Variants in OR2AT4 observed in about 807,000 individuals in gnomAD.
OR2AT4 encodes olfactory receptor family 2 subfamily AT member 4.
A neutral mutation model predicts 10.3 loss-of-function variants in OR2AT4; 6 were observed. The ratio of observed to expected loss-of-function variants is 0.58; its 90% confidence interval spans 0.32 to 1.15. OR2AT4 has a LOEUF of 1.15. OR2AT4 is among the 50% of genes most tolerant of loss of function. OR2AT4 has a pLI of 0.05. For missense variants in OR2AT4, 354 were observed against 393.8 expected (o/e 0.90, Z 0.85); for synonymous variants, 145 against 159.1 (o/e 0.91, Z 0.67).
exon 2 of OR2AT4, chr11:75,087,797 G>A (rs1204969098): frequency 6.6e-6 from 1 of 152,002 alleles, no homozygotes; most frequent in Non-Finnish European, 1.5e-5. Context: ...GGAATTGTGG[G>A]GTTTTTCTTT....
exon 2 of OR2AT4, chr11:75,087,920 C>T (rs1949297967): frequency 6.6e-6 from 1 of 152,164 alleles, no homozygotes. Context: ...TTTATGAGTT[C>T]ACATTTTCCC....
chr11:75,082,181 T>C (rs1949269878), exon 2 of OR2AT4: 1 of 151,968 alleles, frequency 6.6e-6, no homozygotes, highest in Non-Finnish European at 1.5e-5. Flanking sequence ...AACAGACACA[T>C]AGACCAATGG....
chr11:75,088,616 A>G, exon 2 of OR2AT4: 1 of 861,912 alleles, frequency 1.2e-6, no homozygotes, highest in Non-Finnish European at 1.6e-6. Context: ...TGAATTACTA[A>G]GTAGTAAAAT....
chr11:75,089,383 T>A, exon 2 of OR2AT4: 1 of 1,613,998 alleles, frequency 6.2e-7, no homozygotes, highest in Non-Finnish European at 8.5e-7. Context: ...CATGTAAAAC[T>A]TTGGAAGAGG....
chr11:75,093,891 G>A (rs530859022), intron 1 of OR2AT4, among the ~76,000 whole-genome samples: 7 of 133,294 alleles, frequency 5.3e-5, no homozygotes, highest in South Asian at 4.7e-4. Context: ...GTACAAGCTC[G>A]GCTCACTGCA....
At chr11:75,096,159 AT>A (rs1555127011) in intron 1 of OR2AT4, 1 of 152,156 alleles carries the variant, frequency 6.6e-6, no homozygotes, top group Non-Finnish European at 1.5e-5. Flanking sequence ...CAGTTTTCCC[AT>A]CTATAAAATG....
At chr11:75,088,107 C>T (rs1314589834) in exon 2 of OR2AT4, 1 of 152,032 alleles carries the variant, frequency 6.6e-6, no homozygotes, top group African/African-American at 2.4e-5. Flanking sequence ...TCAATCAGTT[C>T]CCTGTATAGT....
At chr11:75,092,413 C>T (rs991064021) in intron 1 of OR2AT4, among the ~76,000 whole-genome samples, 12 of 152,120 alleles carry the variant, frequency 7.9e-5, no homozygotes, top group Admixed American at 4.6e-4. Context: ...AAGGTACTCA[C>T]GTGCAATAAA....
exon 2 of OR2AT4, chr11:75,089,768 G>A: frequency 6.6e-7 from 1 of 1,516,182 alleles, no homozygotes; most frequent in Non-Finnish European, 8.9e-7. Flanking sequence ...CTAGACATTG[G>A]AAACATCTGG....
At chr11:75,093,655 C>A (rs1949331154) in intron 1 of OR2AT4, among the ~76,000 whole-genome samples, 1 of 152,034 alleles carries the variant, frequency 6.6e-6, no homozygotes, top group Non-Finnish European at 1.5e-5. Context: ...AAGATGATTA[C>A]CTGATGATCT....
intron 1 of OR2AT4, among the ~76,000 whole-genome samples, chr11:75,095,730 T>C (rs370001272): frequency 9.6e-5 from 14 of 146,388 alleles, no homozygotes; most frequent in African/African-American, 3.5e-4. Flanking sequence ...CAGGCTGGAG[T>C]GCAGTGGCAC....
exon 2 of OR2AT4, chr11:75,081,873 T>C (rs1199325605): frequency 5.9e-5 from 9 of 152,064 alleles, no homozygotes; most frequent in African/African-American, 1.9e-4. Context: ...GAAAAAACTA[T>C]AGATGAAACA....
At chr11:75,085,728 T>G (rs909704654) in exon 2 of OR2AT4, 1 of 152,028 alleles carries the variant, frequency 6.6e-6, no homozygotes, top group Non-Finnish European at 1.5e-5. Context: ...AATGGAGAGA[T>G]ATATTATATT....
rs548045206 is a variant in OR2AT4, at chr11:75,088,870, C to A, written c.844G>T (p.Val282Leu). 5.6e-6 allele frequency: 9 copies of A among 1,613,904 alleles called. No homozygotes were observed. In the South Asian group the frequency reaches 9.9e-5, roughly 18 times the overall value. The change falls in exon 2 of 2, where the codon GTA becomes TTA. Residue 282 changes from valine (V) to leucine (L), a missense_variant. Coordinates refer to ENST00000641504, the Ensembl canonical transcript of OR2AT4. Reference sequence around the variant, plus strand: ...AGAATTGGTGTGAGAATGGCATATACCACATTGCCCATGATATGGAAGTCA... The same window carrying A: ...AGAATTGGTGTGAGAATGGCATATAACACATTGCCCATGATATGGAAGTCA...
At chr11:75,082,342 T>G (rs987057998) in exon 2 of OR2AT4, 10 of 152,040 alleles carry the variant, frequency 6.6e-5, no homozygotes, top group African/African-American at 2.2e-4. Context: ...AGGAGATATA[T>G]CTAATGTAAA....
At chr11:75,085,427 T>C (rs1949285213) in exon 2 of OR2AT4, 3 of 152,120 alleles carry the variant, frequency 2.0e-5, no homozygotes, top group Admixed American at 2.0e-4. Flanking sequence ...TTCTACCAAA[T>C]ATTTAAGGAA....
chr11:75,091,595 C>G (rs951745399), intron 1 of OR2AT4, among the ~76,000 whole-genome samples: 2 of 152,040 alleles, frequency 1.3e-5, no homozygotes, highest in Non-Finnish European at 2.9e-5. Flanking sequence ...CAAAATAGAT[C>G]AGTAGAAAAT....
chr11:75,088,710 T>C (rs907207370), exon 2 of OR2AT4: 4 of 1,520,216 alleles, frequency 2.6e-6, no homozygotes, highest in Non-Finnish European at 2.6e-6. Context: ...CTAAGCACTG[T>C]TATTTGGTGT....
chr11:75,095,137 T>G (rs560141165), intron 1 of OR2AT4, among the ~76,000 whole-genome samples: 18 of 152,104 alleles, frequency 1.2e-4, no homozygotes, highest in Non-Finnish European at 1.5e-4. Context: ...GAGTCTGAAG[T>G]CCAGAAATAG....
Sources: allele counts gnomAD v4.1 joint callset (sites outside exome capture counted in the v4.1 genomes callset), GRCh38; gene constraint gnomAD v4.1.1; transcripts MANE v1.5; gene names NCBI Gene and HGNC (gene_info 2026-07-23, HGNC 2026-07-21).